Variants in ROBO2 observed in about 807,000 individuals in gnomAD.
ROBO2 encodes the protein roundabout homolog 2.
ROBO2 carries 53 observed loss-of-function variants against 160.8 expected under a neutral mutation model. That is an observed-to-expected ratio of 0.33 (90% confidence interval 0.26 to 0.41). ROBO2 has a LOEUF of 0.41. Ranked by LOEUF, ROBO2 falls within the 10% of genes least tolerant of loss-of-function variation. The pLI, the probability that ROBO2 is intolerant of heterozygous loss-of-function variation, is 1.00. For synonymous variants in ROBO2, 664 were observed against 611.7 expected (o/e 1.09, Z -1.26); for missense variants, 1,577 against 1,722.4 (o/e 0.92, Z 1.49).
At chr3:76,953,253 C>T (rs1011916461) in intron 2 of ROBO2, among the ~76,000 whole-genome samples, 1 of 151,914 alleles carries the variant, frequency 6.6e-6, no homozygotes, top group East Asian at 1.9e-4. Context: ...TGTGCATTTT[C>T]GTTTAAAATA....
At chr3:75,915,990 A>T (rs1311451390) in intron 1 of ROBO2, among the ~76,000 whole-genome samples, 1 of 152,216 alleles carries the variant, frequency 6.6e-6, no homozygotes, top group Non-Finnish European at 1.5e-5. Context: ...ATAGATATAG[A>T]TGATAATTTT....
At chr3:76,531,723 A>T (rs1458846421) in intron 2 of ROBO2, among the ~76,000 whole-genome samples, 1 of 149,740 alleles carries the variant, frequency 6.7e-6, no homozygotes, top group African/African-American at 2.5e-5. Flanking sequence ...AAGGCTTCTG[A>T]TGCTATTTGT....
At chr3:76,589,764 C>A (rs1237403224) in intron 2 of ROBO2, among the ~76,000 whole-genome samples, 2 of 152,024 alleles carry the variant, frequency 1.3e-5, no homozygotes, top group Non-Finnish European at 2.9e-5. Flanking sequence ...AAATCCAAAT[C>A]AATGTTAGAT....
intron 1 of ROBO2, among the ~76,000 whole-genome samples, chr3:75,924,719 T>C (rs58466908): frequency 0.88 from 107,405 of 122,726 alleles, 47,201 homozygotes; most frequent in East Asian, 0.93. Context: ...ACTGTAGTCT[T>C]GCTCTGTGGC....
chr3:75,907,852 C>CGTGCGTGTGT (rs1553699048), intron 1 of ROBO2, among the ~76,000 whole-genome samples: 1 of 148,570 alleles, frequency 6.7e-6, no homozygotes. Context: ...TAATCGTGTG[C>CGTGCGTGTGT]GTGTGTGTGT....
intron 2 of ROBO2, among the ~76,000 whole-genome samples, chr3:76,954,410 G>C (rs944338243): frequency 6.6e-6 from 1 of 152,170 alleles, no homozygotes; most frequent in Non-Finnish European, 1.5e-5. Flanking sequence ...TTCTCTGAAT[G>C]TATTTTCTCA....
At position 76,834,013 on chromosome 3, in the gene ROBO2, C is replaced by CTTTCTCTCTTTT. The variant is rs1559574299; in HGVS notation, c.110-264001_110-264000insTTTCTCTCTTTT. Among the ~76,000 whole-genome samples the CTTTCTCTCTTTT allele has an allele frequency of 9.9e-5, 12 of 121,148 alleles. 1 individual carries two copies. The highest frequency in any genetic ancestry group is 1.7e-4 in the Non-Finnish European group (10 of 58,302). The allele number at this position is 121,148 out of a possible 152,430, so 79.5% of individuals were successfully genotyped here. On this transcript the variant is annotated intron_variant, in intron 2 of 26. Coordinates refer to the ROBO2 transcript ENST00000487694. ...TCTTTCTTTCCTTCTTTCTTTCTTT[C>CTTTCTCTCTTTT]CTTTCTTTCTTTTCTTTCTTTCTTT...
rs569611243 is a variant in ROBO2, at chr3:76,047,396, C to G, written c.109+109794C>G. 4.9e-4 allele frequency among the ~76,000 whole-genome samples: 74 copies of G among 152,324 alleles called. 1 individual carries two copies. The highest frequency in any genetic ancestry group is 1.7e-3 in the South Asian group (8 of 4,832). On this transcript the variant is annotated intron_variant, in intron 2 of 26. Transcript: ENST00000487694. Reference sequence around the variant, plus strand: ...AAGCTAATATTCATTCTCCATTTCTCTCTGTCTGTCTTGTTCTATGAAAAG... The same window carrying G: ...AAGCTAATATTCATTCTCCATTTCTGTCTGTCTGTCTTGTTCTATGAAAAG...
intron 2 of ROBO2, among the ~76,000 whole-genome samples, chr3:76,763,578 T>C (rs1031868524): frequency 1.3e-5 from 2 of 151,762 alleles, no homozygotes; most frequent in South Asian, 4.1e-4. Flanking sequence ...TCATCTTTTT[T>C]TTTACATGTT....
intron 24 of ROBO2, among the ~76,000 whole-genome samples, chr3:77,637,888 T>C (rs1057489873): frequency 6.6e-6 from 1 of 150,920 alleles, no homozygotes; most frequent in South Asian, 2.1e-4. Flanking sequence ...GTTTAAAGTA[T>C]GATCAATATA....
At position 76,799,303 on chromosome 3, in the gene ROBO2, A is replaced by G. The variant is rs142698379; in HGVS notation, c.110-298711A>G. Among the ~76,000 whole-genome samples the G allele has an allele frequency of 1.5e-3, 234 of 152,288 alleles. 1 individual carries two copies. The highest frequency in any genetic ancestry group is 5.1e-3 in the African/African-American group (211 of 41,584). The stretch of plus-strand genomic sequence containing the variant: ...AATGGGAAAAAATTGAAAGCCTTTC[A>G]TCTAAGATCTTGAACAAGGCAAGGA... On this transcript the variant is annotated intron_variant, in intron 2 of 26. Transcript: ENST00000487694.
At chr3:76,713,847 C>G (rs1472957346) in intron 2 of ROBO2, among the ~76,000 whole-genome samples, 1 of 151,704 alleles carries the variant, frequency 6.6e-6, no homozygotes, top group Non-Finnish European at 1.5e-5. Context: ...CATTGTAAGC[C>G]ATTATTACTG....
At chr3:76,492,444 T>C (rs2079882688) in intron 2 of ROBO2, among the ~76,000 whole-genome samples, 1 of 152,112 alleles carries the variant, frequency 6.6e-6, no homozygotes, top group Non-Finnish European at 1.5e-5. Context: ...CATTAAAAAT[T>C]ATTGTGAAGG....
At chr3:76,576,845 C>A (rs913889665) in intron 2 of ROBO2, among the ~76,000 whole-genome samples, 1 of 149,444 alleles carries the variant, frequency 6.7e-6, no homozygotes, top group Non-Finnish European at 1.5e-5. Flanking sequence ...TGTAATCTAA[C>A]AATTCCTTGA....
At chr3:76,559,761 G>A (rs534337683) in intron 2 of ROBO2, among the ~76,000 whole-genome samples, 1 of 152,218 alleles carries the variant, frequency 6.6e-6, no homozygotes, top group East Asian at 1.9e-4. Flanking sequence ...ATGTCATATG[G>A]ATAAGCAACT....
rs200584185 is a variant in ROBO2, at chr3:77,625,386, CT to C, written c.3760+2966del. 4.6e-3 allele frequency among the ~76,000 whole-genome samples: 669 copies of C among 144,640 alleles called. 4 individuals are homozygous for C. The highest frequency in any genetic ancestry group is 9.3e-3 in the African/African-American group (370 of 39,824). 94.9% of individuals were successfully genotyped at this position (144,640 alleles called of 152,430 possible). On this transcript the variant is annotated intron_variant, in intron 23 of 25. Coordinates refer to ENST00000461745, the Ensembl canonical transcript of ROBO2. The stretch of plus-strand genomic sequence containing the variant: ...TGCAAGCCATCTTTCTTTCTTTCTT[CT>C]TTTTTTTTTTTGTCGGAGTCTCACT...
chr3:76,873,573 AGTCGTCGTC>A (rs370380909), intron 2 of ROBO2, among the ~76,000 whole-genome samples: 1 of 151,806 alleles, frequency 6.6e-6, no homozygotes, highest in Non-Finnish European at 1.5e-5. Context: ...TAGTAGTAGT[AGTCGTCGTC>A]GTCGTCGTTG....
At chr3:76,739,723 T>C (rs949849048) in intron 2 of ROBO2, among the ~76,000 whole-genome samples, 2 of 152,128 alleles carry the variant, frequency 1.3e-5, no homozygotes, top group African/African-American at 2.4e-5. Context: ...GAGAAATTAA[T>C]AAAAGTAGAG....
rs140378918 is a variant in ROBO2, at chr3:76,786,493, G to A, written c.110-311521G>A. 3.3e-3 allele frequency among the ~76,000 whole-genome samples: 501 copies of A among 151,252 alleles called. 7 individuals carry two copies. Among genetic ancestry groups the A allele is most frequent in the South Asian group, 0.024 (115 of 4,812 alleles). Reference sequence around the variant, plus strand: ...CAGAAAGAAGAGAGAGAAGGGGGAGGTGCTACATATTTTAAACAACCAGAT... The same window carrying A: ...CAGAAAGAAGAGAGAGAAGGGGGAGATGCTACATATTTTAAACAACCAGAT... On this transcript the variant is annotated intron_variant, in intron 2 of 26. Transcript: ENST00000487694.
Sources: allele counts gnomAD v4.1 joint callset (sites outside exome capture counted in the v4.1 genomes callset), GRCh38; gene constraint gnomAD v4.1.1; transcripts MANE v1.5; gene names NCBI Gene and HGNC (gene_info 2026-07-23, HGNC 2026-07-21).